AGAP1: variants seen among roughly 807,000 people sequenced by gnomAD.
AGAP1 encodes the protein arf-GAP with GTPase, ANK repeat and PH domain-containing protein 1.
Under a neutral mutation model 105.3 loss-of-function variants are expected in AGAP1, and 29 were observed. That is an observed-to-expected ratio of 0.28 (90% CI 0.21 to 0.38). The LOEUF (loss-of-function observed/expected upper bound fraction) is 0.38, where lower values mean the gene tolerates loss of function less well. Ranked by LOEUF, AGAP1 falls within the 10% of genes least tolerant of loss-of-function variation. The pLI, the probability that AGAP1 is intolerant of heterozygous loss-of-function variation, is 1.00. For synonymous variants in AGAP1, 509 were observed against 485.9 expected, an observed-to-expected ratio of 1.05 and a Z score of -0.63; for missense variants, 998 against 1,165.1, an observed-to-expected ratio of 0.86 and a Z score of 2.09.
At chr2:235,717,512 T>G (rs1951177591) in intron 2 of AGAP1, 45 bp from the exon 3 acceptor site, 2 of 1,522,422 alleles carry the variant, frequency 1.3e-6, no homozygotes, top group East Asian at 4.7e-5. Flanking sequence ...AAATGCCAAA[T>G]AGAGTGATTT....
intron 1 of AGAP1, among the ~76,000 whole-genome samples, chr2:235,687,381 TAACCCA>T (rs1415668190): frequency 6.6e-6 from 1 of 152,190 alleles, no homozygotes; most frequent in Non-Finnish European, 1.5e-5. Context: ...TGGGGAGTGC[TAACCCA>T]AACCTTTCAT....
At chr2:235,698,462 C>G (rs1387109558) in intron 1 of AGAP1, among the ~76,000 whole-genome samples, 1 of 152,148 alleles carries the variant, frequency 6.6e-6, no homozygotes, top group East Asian at 1.9e-4. Context: ...TGAATTTAAC[C>G]TACGGATTTT....
intron 1 of AGAP1, among the ~76,000 whole-genome samples, chr2:235,666,591 T>C (rs1258462740): frequency 6.6e-6 from 1 of 151,648 alleles, no homozygotes; most frequent in East Asian, 1.9e-4. Flanking sequence ...ACACTGGCTA[T>C]GGCTGGAAGA....
intron 1 of AGAP1, among the ~76,000 whole-genome samples, chr2:235,702,072 T>TA (rs772389205): frequency 6.6e-6 from 1 of 152,226 alleles, no homozygotes; most frequent in African/African-American, 2.4e-5. Flanking sequence ...TTCCTTTTTT[T>TA]AGCCTTGTGT....
chr2:235,773,996 C>G (rs978580668), intron 6 of AGAP1: 1 of 469,978 alleles, frequency 2.1e-6, no homozygotes, highest in Non-Finnish European at 4.4e-6. Flanking sequence ...AGATTTTTAA[C>G]AAAAATAAAA....
chr2:236,011,196 C>T (rs1351466017), intron 13 of AGAP1, among the ~76,000 whole-genome samples: 6 of 152,232 alleles, frequency 3.9e-5, no homozygotes, highest in Non-Finnish European at 8.8e-5. Context: ...CACCTGAGTT[C>T]ACGGTTCACG....
intron 1 of AGAP1, among the ~76,000 whole-genome samples, chr2:235,638,580 A>G (rs1389385010): frequency 3.3e-5 from 5 of 152,230 alleles, no homozygotes; most frequent in African/African-American, 9.6e-5. Context: ...AAACCCTCAA[A>G]ACTGTATATA....
At chr2:235,727,179 G>C (rs949863836) in intron 3 of AGAP1, among the ~76,000 whole-genome samples, 1 of 152,152 alleles carries the variant, frequency 6.6e-6, no homozygotes, top group Admixed American at 6.5e-5. Flanking sequence ...CTGTCCCTTC[G>C]GGTGGGGAGA....
rs2058195254 is a variant in AGAP1, at chr2:236,061,547, TTGTAACGTGGG to T, written c.2114+12269_2114+12279del. 6.6e-6 allele frequency among the ~76,000 whole-genome samples: 1 copy of T among 152,030 alleles called. No individual in the cohort carries two copies. The highest frequency in any genetic ancestry group is 1.5e-5 in the Non-Finnish European group (1 of 67,998). ...GGAAGGAGTGAAGTGTGGATACAGG[TTGTAACGTGGG>T]TGAACCTCGAAGACATGATGCTAAA... On this transcript the variant is annotated intron_variant, in intron 16 of 17. Transcript: ENST00000304032. The surrounding 1 kb of genome is among the most constrained non-coding windows in gnomAD (Gnocchi z 4.1).
intron 11 of AGAP1, among the ~76,000 whole-genome samples, chr2:235,922,461 C>G (rs2125110264): frequency 6.6e-6 from 1 of 152,264 alleles, no homozygotes; most frequent in Non-Finnish European, 1.5e-5. Context: ...CAAATGCCAG[C>G]TATTATTTTC....
intron 12 of AGAP1, among the ~76,000 whole-genome samples, chr2:235,945,297 G>T (rs76564361): frequency 3.9e-5 from 6 of 152,114 alleles, no homozygotes; most frequent in South Asian, 4.2e-4. Flanking sequence ...AGTTGGGGGG[G>T]GGTTCACCGT....
rs1477447324 is a variant in AGAP1, at chr2:235,577,491, G to T, written c.163+82642G>T. On this transcript the variant is annotated intron_variant, in intron 1 of 17. Transcript: ENST00000304032. The surrounding 1 kb of genome is among the most constrained non-coding windows in gnomAD (Gnocchi z 4.5). ...GCCTCTCGCTGAATGCCTGCTTGGA[G>T]CAGAGTCCTGTGTTTGTTTGGAAAT... Among the ~76,000 whole-genome samples, 1 of 152,070 alleles carries T rather than the reference G, an allele frequency of 6.6e-6. No homozygotes were observed. The highest frequency in any genetic ancestry group is 1.5e-5 in the Non-Finnish European group (1 of 68,018).
In AGAP1 at chr2:236,035,386, C is replaced by T. The variant is rs564673892; in HGVS notation, c.1646-1175C>T. ...GCAGTGGCTCACACTTGTCACTCAGCACTTTGGGAGGCCAAGGAGTGAGGA... is the reference window on the plus strand; with the variant it reads ...GCAGTGGCTCACACTTGTCACTCAGTACTTTGGGAGGCCAAGGAGTGAGGA... On this transcript the variant is annotated intron_variant, in intron 13 of 17. Coordinates refer to ENST00000304032, the MANE Select transcript of AGAP1 (RefSeq NM_001037131.3). The surrounding 1 kb of genome is among the most constrained non-coding windows in gnomAD (Gnocchi z 4.2). Among the ~76,000 whole-genome samples, 35 of 152,266 alleles carry T rather than the reference C, an allele frequency of 2.3e-4. No individual in the cohort carries two copies. Among genetic ancestry groups the T allele is most frequent in the African/African-American group, 7.9e-4 (33 of 41,558 alleles).
intron 1 of AGAP1, among the ~76,000 whole-genome samples, chr2:235,584,643 C>G (rs1945043135): frequency 6.6e-6 from 1 of 151,790 alleles, no homozygotes; most frequent in Non-Finnish European, 1.5e-5. Context: ...GAGCACGGCC[C>G]TGCAGACACC....
chr2:235,573,537 A>G (rs1182225904), intron 1 of AGAP1, among the ~76,000 whole-genome samples: 1 of 151,580 alleles, frequency 6.6e-6, no homozygotes, highest in Non-Finnish European at 1.5e-5. Context: ...ATAATGTTTA[A>G]TCAAATGATG....
rs1395898086 is a variant in AGAP1, at chr2:235,948,532, C to T, written c.1483+17609C>T. On this transcript the variant is annotated intron_variant, in intron 12 of 17. Transcript: ENST00000304032. Reference sequence around the variant, plus strand: ...TTATTTTAAAATACGAATTTCATAACGAGAACACAAATTGAGAGGTGAACA... The same window carrying T: ...TTATTTTAAAATACGAATTTCATAATGAGAACACAAATTGAGAGGTGAACA... 2.6e-5 allele frequency among the ~76,000 whole-genome samples: 4 copies of T among 152,174 alleles called. No homozygotes were observed. The East Asian group carries it at 5.8e-4, about 22-fold the overall frequency.
At chr2:235,661,778 G>A (rs1407829763) in intron 1 of AGAP1, among the ~76,000 whole-genome samples, 2 of 152,174 alleles carry the variant, frequency 1.3e-5, no homozygotes, top group African/African-American at 4.8e-5. Context: ...TGCCCAGGGG[G>A]GTCTTACAGG....
rs1187669167 is a variant in AGAP1, at chr2:235,959,903, G to T, written c.1484-8559G>T. 6.6e-6 allele frequency among the ~76,000 whole-genome samples: 1 copy of T among 151,698 alleles called. No homozygotes were observed. The highest frequency in any genetic ancestry group is 6.6e-5 in the Admixed American group (1 of 15,260). Reference sequence around the variant, plus strand: ...CTAAGGGCTTGAGTGCCTCCCTTTTGGGCCACCGTAGACACCCCACCTCTG... The same window carrying T: ...CTAAGGGCTTGAGTGCCTCCCTTTTTGGCCACCGTAGACACCCCACCTCTG... On this transcript the variant is annotated intron_variant, in intron 12 of 17. Transcript: ENST00000304032. The surrounding 1 kb of genome is among the most constrained non-coding windows in gnomAD (Gnocchi z 7.3).
Position 235,508,123 on chromosome 2 carries a change from T to C in AGAP1, c.163+13274T>C, listed in dbSNP as rs117987955. ...GCACAGGGCGTGATCTCATTCTTTT[T>C]ATTATGGCTGCATAGTACTCCACAG... On this transcript the variant is annotated intron_variant, in intron 1 of 17. Transcript: ENST00000304032. Among the ~76,000 whole-genome samples the C allele has an allele frequency of 2.2e-3, 331 of 152,330 alleles. 5 individuals carry two copies. The highest frequency in any genetic ancestry group is 0.019 in the Admixed American group (290 of 15,300).
Sources: allele counts gnomAD v4.1 joint callset (sites outside exome capture counted in the v4.1 genomes callset), GRCh38; gene constraint gnomAD v4.1.1; non-coding constraint Gnocchi (gnomAD v3.1); transcripts MANE v1.5; gene names NCBI Gene and HGNC (gene_info 2026-07-23, HGNC 2026-07-21).